Variants in BMPR2 observed in about 807,000 individuals in gnomAD.
BMPR2 encodes the protein bone morphogenetic protein receptor type 2.
In BMPR2, 29 loss-of-function variants were observed where a neutral mutation model predicts 100.8. That is an observed-to-expected ratio of 0.29 (90% CI 0.21 to 0.39). The LOEUF (loss-of-function observed/expected upper bound fraction) is 0.39, where lower values mean the gene tolerates loss of function less well. BMPR2 is among the 10% of genes least tolerant of loss of function. The pLI is 1.00. For missense variants in BMPR2, 1,011 were observed against 1,274.5 expected, an observed-to-expected ratio of 0.79 and a Z score of 3.15; for synonymous variants, 382 against 442.3, an observed-to-expected ratio of 0.86 and a Z score of 1.71.
At chr2:202,466,388 G>A (rs186526442) in intron 2 of BMPR2, among the ~76,000 whole-genome samples, 8,280 of 152,152 alleles carry the variant, frequency 0.054, 291 homozygotes, top group Middle Eastern at 0.13. Context: ...CCGGGTTCAA[G>A]CGATTCTCCT....
intron 1 of BMPR2, among the ~76,000 whole-genome samples, chr2:202,405,687 C>CAAA (rs397987374): frequency 2.5e-3 from 153 of 61,914 alleles, no homozygotes; most frequent in African/African-American, 3.9e-3. Flanking sequence ...GACTCCGCCT[C>CAAA]AAAAAAAAAA....
At chr2:202,497,681 G>T (rs35935965) in intron 3 of BMPR2, among the ~76,000 whole-genome samples, 2 of 152,098 alleles carry the variant, frequency 1.3e-5, no homozygotes, top group Non-Finnish European at 2.9e-5. Flanking sequence ...CCCATCTATC[G>T]TATCTATCCT....
chr2:202,378,469 C>CT (rs1425620388), intron 1 of BMPR2, among the ~76,000 whole-genome samples: 4 of 152,076 alleles, frequency 2.6e-5, no homozygotes, highest in African/African-American at 9.7e-5. Context: ...CCAAATGACC[C>CT]TTTCGAATTA....
chr2:202,458,702 T>G (rs1398101929), intron 1 of BMPR2, among the ~76,000 whole-genome samples: 1 of 152,218 alleles, frequency 6.6e-6, no homozygotes, highest in Non-Finnish European at 1.5e-5. Flanking sequence ...ATTTGACGTG[T>G]ATTTTTTGCA....
chr2:202,409,356 T>TA (rs944373253), intron 1 of BMPR2, among the ~76,000 whole-genome samples: 1 of 151,986 alleles, frequency 6.6e-6, no homozygotes, highest in African/African-American at 2.4e-5. Flanking sequence ...AAAATATATA[T>TA]ATAAGATTAC....
chr2:202,478,156 T>C (rs1318444428), intron 3 of BMPR2, among the ~76,000 whole-genome samples: 1 of 152,226 alleles, frequency 6.6e-6, no homozygotes, highest in African/African-American at 2.4e-5. Flanking sequence ...GGTATTCTTT[T>C]GCATTTTTAT....
chr2:202,526,610 T>G (rs911907508), intron 7 of BMPR2, among the ~76,000 whole-genome samples: 24 of 152,256 alleles, frequency 1.6e-4, no homozygotes, highest in Non-Finnish European at 1.5e-5. Context: ...AATATTATAC[T>G]GCCTTTAAAA....
At chr2:202,510,474 A>C (rs1687598998) in intron 3 of BMPR2, among the ~76,000 whole-genome samples, 1 of 152,224 alleles carries the variant, frequency 6.6e-6, no homozygotes, top group South Asian at 2.1e-4. Context: ...AAGTGAAAGA[A>C]GGCAGTCTGA....
chr2:202,558,932 G>A (rs1050254147), intron 12 of BMPR2, among the ~76,000 whole-genome samples: 14 of 151,040 alleles, frequency 9.3e-5, no homozygotes, highest in African/African-American at 3.2e-4. Flanking sequence ...TATAGGAAGA[G>A]GAAATTATTA....
At chr2:202,550,595 C>T (rs556950310) in intron 10 of BMPR2, among the ~76,000 whole-genome samples, 2 of 152,098 alleles carry the variant, frequency 1.3e-5, no homozygotes, top group South Asian at 2.1e-4. Flanking sequence ...TGGGTCTTGC[C>T]TGTAATCCCA....
In BMPR2 at chr2:202,520,452, G is replaced by A. The variant is rs371049334; in HGVS notation, c.967+251G>A. The stretch of plus-strand genomic sequence containing the variant: ...AGTAAAACTCCTGGGCTACCTGGAG[G>A]CTATCATGACCCAGCAGAGAAAGTA... On this transcript the variant is annotated intron_variant, in intron 7 of 12. Coordinates refer to ENST00000374580, the MANE Select transcript of BMPR2 (RefSeq NM_001204.7). 4.2e-5 allele frequency: 22 copies of A among 523,704 alleles called. No homozygotes were observed. In the South Asian group the frequency reaches 4.6e-4, roughly 11 times the overall value. The allele number at this position is 523,704 out of a possible 1,614,324, so 32.4% of individuals were successfully genotyped here. A position where few individuals can be genotyped will look rare whatever the true frequency, so the allele number is the denominator to read the frequency against.
At chr2:202,551,524 AAAAC>A (rs147044829) in intron 10 of BMPR2, among the ~76,000 whole-genome samples, 17,918 of 151,900 alleles carry the variant, frequency 0.12, 1,162 homozygotes, top group Non-Finnish European at 0.13. Context: ...ACTCTATCTC[AAAAC>A]AAACAAACAA....
intron 3 of BMPR2, 60 bp from the exon 4 acceptor site, chr2:202,513,659 A>T: frequency 1.6e-6 from 2 of 1,251,350 alleles, no homozygotes; most frequent in Non-Finnish European, 2.3e-6. Context: ...GCAGTCTGTC[A>T]GTATTTAACA....
At chr2:202,449,944 A>G (rs1429124595) in intron 1 of BMPR2, among the ~76,000 whole-genome samples, 1 of 151,982 alleles carries the variant, frequency 6.6e-6, no homozygotes, top group African/African-American at 2.4e-5. Context: ...CATCTCTACT[A>G]AAAATACAAA....
intron 1 of BMPR2, among the ~76,000 whole-genome samples, chr2:202,423,541 A>T (rs912196896): frequency 2.6e-5 from 4 of 152,180 alleles, no homozygotes; most frequent in Non-Finnish European, 1.5e-5. Flanking sequence ...GCTTGAGCCC[A>T]GGAGTTCAAG....
At chr2:202,475,572 T>G (rs1187584335) in intron 3 of BMPR2, among the ~76,000 whole-genome samples, 1 of 152,200 alleles carries the variant, frequency 6.6e-6, no homozygotes, top group African/African-American at 2.4e-5. Context: ...TTCTGAAGTT[T>G]TGCTAGCTCT....
intron 3 of BMPR2, among the ~76,000 whole-genome samples, chr2:202,496,771 C>T (rs533245679): frequency 2.0e-3 from 300 of 152,390 alleles, no homozygotes; most frequent in African/African-American, 6.7e-3. Flanking sequence ...CCCTCGCTCG[C>T]TCTCAGCGCC....
intron 3 of BMPR2, among the ~76,000 whole-genome samples, chr2:202,493,523 C>T (rs1210191314): frequency 2.0e-5 from 3 of 152,102 alleles, no homozygotes. Flanking sequence ...AGTCTGTTTA[C>T]TTAAATGTGA....
At chr2:202,485,377 C>A (rs10181230) in intron 3 of BMPR2, among the ~76,000 whole-genome samples, 1 of 151,836 alleles carries the variant, frequency 6.6e-6, no homozygotes, top group South Asian at 2.1e-4. Flanking sequence ...TTGGTTCCTT[C>A]TGGAGGCTGT....
Sources: gnomAD v4.1 joint callset for allele counts (sites outside exome capture counted in the v4.1 genomes callset) on GRCh38, gnomAD v4.1.1 for gene constraint, MANE v1.5 for transcripts, NCBI Gene and HGNC (gene_info 2026-07-23, HGNC 2026-07-21) for gene names.